GRM7: variants seen among roughly 807,000 people sequenced by gnomAD.
GRM7 encodes the protein glutamate metabotropic receptor 7.
Under a neutral mutation model 84.5 loss-of-function variants are expected in GRM7, and 35 were observed. The ratio of observed to expected loss-of-function variants is 0.41; its 90% CI spans 0.32 to 0.55. The LOEUF is 0.55. GRM7 is among the 20% of genes least tolerant of loss of function. The pLI, the probability that GRM7 is intolerant of heterozygous loss-of-function variation, is 0.19. For synonymous variants in GRM7, 487 were observed against 455.1 expected (o/e 1.07, Z -0.89); for missense variants, 1,003 against 1,194.6 (o/e 0.84, Z 2.36).
At chr3:7,644,223 T>TCTGTACATATATATATGTCTGTAC (rs1189753688) in intron 8 of GRM7, among the ~76,000 whole-genome samples, 2 of 95,648 alleles carry the variant, frequency 2.1e-5, no homozygotes, top group African/African-American at 8.1e-5. Flanking sequence ...CATATATATG[T>TCTGTACATATATATATGTCTGTAC]GTGTGTCTGT....
chr3:7,329,253 A>G (rs1411659894), intron 4 of GRM7, among the ~76,000 whole-genome samples: 1 of 152,144 alleles, frequency 6.6e-6, no homozygotes, highest in Non-Finnish European at 1.5e-5. Context: ...CAGGTTCCCA[A>G]GGTGCTCATT....
intron 1 of GRM7, among the ~76,000 whole-genome samples, chr3:7,118,593 G>C (rs116812031): frequency 1.4e-5 from 2 of 146,082 alleles, no homozygotes; most frequent in African/African-American, 2.5e-5. Context: ...TTGGAGGCTC[G>C]ATCTTTCCAA....
intron 6 of GRM7, among the ~76,000 whole-genome samples, chr3:7,458,678 A>T (rs1698120108): frequency 6.6e-6 from 1 of 152,184 alleles, no homozygotes; most frequent in South Asian, 2.1e-4. Context: ...GCCCATTCTG[A>T]TGAATATGTA....
rs373499375 is a variant in GRM7 at position 7,507,372 on chromosome 3, G to C, written c.1515+45650G>C. On this transcript the variant is annotated intron_variant, in intron 7 of 9. Transcript: ENST00000357716. ...AAACTTCTGGAATTGTTTCCACATA[G>C]AGAAGTGTAAACAGATGGGAGTCAA... Among the ~76,000 whole-genome samples, 8 of 152,304 alleles carry C rather than the reference G, an allele frequency of 5.3e-5. No individual in the cohort carries two copies. The South Asian group carries it at 1.4e-3, about 28-fold the overall frequency.
chr3:7,373,912 AC>A (rs1478245751), intron 4 of GRM7, among the ~76,000 whole-genome samples: 2 of 152,172 alleles, frequency 1.3e-5, no homozygotes, highest in Non-Finnish European at 2.9e-5. Flanking sequence ...TTTTTATTTA[AC>A]CTTAATTTTA....
At chr3:7,193,064 T>A (rs1425717599) in intron 2 of GRM7, among the ~76,000 whole-genome samples, 1 of 152,128 alleles carries the variant, frequency 6.6e-6, no homozygotes, top group Non-Finnish European at 1.5e-5. Flanking sequence ...GGTGGGGTAA[T>A]CTCTTTCATG....
At chr3:7,056,124 A>T (rs1339062034) in intron 1 of GRM7, among the ~76,000 whole-genome samples, 2 of 152,038 alleles carry the variant, frequency 1.3e-5, no homozygotes, top group Non-Finnish European at 2.9e-5. Context: ...GTAGTTTCAG[A>T]GACCAGCACA....
chr3:7,562,832 G>A (rs1033986221), intron 7 of GRM7, among the ~76,000 whole-genome samples: 1 of 152,112 alleles, frequency 6.6e-6, no homozygotes, highest in Non-Finnish European at 1.5e-5. Context: ...TGCCTCCCCT[G>A]ATGTGTCTGT....
chr3:7,124,645 C>A (rs1032653572), intron 1 of GRM7, among the ~76,000 whole-genome samples: 1 of 152,054 alleles, frequency 6.6e-6, no homozygotes, highest in Non-Finnish European at 1.5e-5. Flanking sequence ...TAAGAAATTT[C>A]TTAGATTAGA....
At chr3:7,488,804 C>G (rs576626796) in intron 7 of GRM7, among the ~76,000 whole-genome samples, 1 of 152,042 alleles carries the variant, frequency 6.6e-6, no homozygotes, top group African/African-American at 2.4e-5. Flanking sequence ...ATTTCAGATG[C>G]TCCTCCTCAC....
intron 1 of GRM7, among the ~76,000 whole-genome samples, chr3:6,889,586 T>C (rs1695849591): frequency 6.6e-6 from 1 of 152,212 alleles, no homozygotes; most frequent in South Asian, 2.1e-4. Flanking sequence ...TGAAGCCCAC[T>C]TAATCATCGT....
At chr3:6,941,286 A>G (rs1697884934) in intron 1 of GRM7, among the ~76,000 whole-genome samples, 1 of 152,182 alleles carries the variant, frequency 6.6e-6, no homozygotes, top group Non-Finnish European at 1.5e-5. Context: ...TTAAAGTAAT[A>G]CCAAAATGGC....
intron 1 of GRM7, among the ~76,000 whole-genome samples, chr3:7,045,900 G>A (rs138734264): frequency 6.6e-6 from 1 of 152,198 alleles, no homozygotes; most frequent in East Asian, 1.9e-4. Context: ...ATACCCAGAA[G>A]TGGATTTGCT....
At chr3:7,531,843 G>T (rs1415177223) in intron 7 of GRM7, among the ~76,000 whole-genome samples, 1 of 152,112 alleles carries the variant, frequency 6.6e-6, no homozygotes, top group Non-Finnish European at 1.5e-5. Context: ...ATACTATGTT[G>T]AATAGGAGTG....
intron 1 of GRM7, among the ~76,000 whole-genome samples, chr3:6,999,666 G>C (rs1044911873): frequency 6.6e-6 from 1 of 152,198 alleles, no homozygotes; most frequent in African/African-American, 2.4e-5. Context: ...AATCATGGTG[G>C]AAGAGGAAGC....
intron 9 of GRM7, among the ~76,000 whole-genome samples, chr3:7,737,172 G>C (rs1702531712): frequency 6.6e-6 from 1 of 152,148 alleles, no homozygotes; most frequent in South Asian, 2.1e-4. Context: ...GTCAAATTGA[G>C]TGTTGATTTT....
intron 4 of GRM7, among the ~76,000 whole-genome samples, chr3:7,385,436 G>T (rs1244442650): frequency 6.6e-6 from 1 of 151,520 alleles, no homozygotes; most frequent in African/African-American, 2.4e-5. Context: ...GAGTAGCTGG[G>T]ATTACAGGCG....
At chr3:7,154,768 T>C (rs572340423) in intron 2 of GRM7, among the ~76,000 whole-genome samples, 9 of 152,250 alleles carry the variant, frequency 5.9e-5, no homozygotes. Flanking sequence ...GTAGCCACAC[T>C]TTTGTAATAA....
intron 8 of GRM7, among the ~76,000 whole-genome samples, chr3:7,665,639 AT>A (rs1275135976): frequency 6.6e-6 from 1 of 151,128 alleles, no homozygotes; most frequent in Non-Finnish European, 1.5e-5. Context: ...AGAATGAAAA[AT>A]TAAACAGCTT....
Sources: gnomAD v4.1 joint callset for allele counts (sites outside exome capture counted in the v4.1 genomes callset) on GRCh38, gnomAD v4.1.1 for gene constraint, MANE v1.5 for transcripts, NCBI Gene and HGNC (gene_info 2026-07-23, HGNC 2026-07-21) for gene names.